SLCO1A2: variants seen among roughly 807,000 people sequenced by gnomAD.
SLCO1A2 encodes OATP-1.
Under a neutral mutation model 69.0 loss-of-function variants are expected in SLCO1A2, and 67 were observed. The ratio of observed to expected loss-of-function variants is 0.97; its 90% CI spans 0.80 to 1.19. The LOEUF (loss-of-function observed/expected upper bound fraction) is 1.19, where lower values mean the gene tolerates loss of function less well. Ranked by LOEUF, SLCO1A2 falls within the 50% of genes most tolerant of loss-of-function variation. SLCO1A2 has a pLI of 0.00. For synonymous variants in SLCO1A2, 260 were observed against 265.9 expected (o/e 0.98, Z 0.22); for missense variants, 787 against 793.7 (o/e 0.99, Z 0.10).
chr12:21,311,201 T>C (rs1055681924), intron 4 of SLCO1A2, among the ~76,000 whole-genome samples: 3 of 152,190 alleles, frequency 2.0e-5, no homozygotes, highest in Admixed American at 2.0e-4. Context: ...TCTTTCTCTT[T>C]CCACATCTGC....
intron 10 of SLCO1A2, chr12:21,294,441 T>G: frequency 5.9e-6 from 1 of 168,212 alleles, no homozygotes; most frequent in Non-Finnish European, 1.3e-5. Context: ...ATTCATCCAT[T>G]AGGTAGCAAA....
Position 21,299,799 on chromosome 12 carries a change from C to CGT in SLCO1A2, c.910+547_910+548dup, listed in dbSNP as rs1565482281. Among the ~76,000 whole-genome samples the CGT allele has an allele frequency of 3.1e-5, 4 of 127,340 alleles. No individual in the cohort carries two copies. In the East Asian group the frequency reaches 6.2e-4, roughly 20 times the overall value. The allele number at this position is 127,340 out of a possible 152,430, so 83.5% of individuals were successfully genotyped here. ...ATATATATATATATATACACACACA[C>CGT]GTATATATATACACACACACATATA... On this transcript the variant is annotated intron_variant, in intron 8 of 14. Coordinates refer to ENST00000683939, the MANE Select transcript of SLCO1A2 (RefSeq NM_001386879.1).
chr12:21,388,818 T>C (rs912482805), intron 1 of SLCO1A2, among the ~76,000 whole-genome samples: 4 of 152,100 alleles, frequency 2.6e-5, no homozygotes, highest in African/African-American at 9.7e-5. Context: ...TAAGAAAATA[T>C]GTAAGCCCAC....
At chr12:21,307,089 T>G in intron 4 of SLCO1A2, 101 bp from the exon 5 acceptor site, 1 of 707,942 alleles carries the variant, frequency 1.4e-6, no homozygotes. Flanking sequence ...CAACACAATA[T>G]CCAAATCCAG....
intron 1 of SLCO1A2, among the ~76,000 whole-genome samples, chr12:21,410,564 G>T (rs1456141044): frequency 6.6e-6 from 1 of 152,056 alleles, no homozygotes; most frequent in Non-Finnish European, 1.5e-5. Flanking sequence ...TTTGGGTTTT[G>T]CTATTTAGAA....
chr12:21,398,796 C>T (rs1320709133), upstream of SLCO1A2, among the ~76,000 whole-genome samples: 6 of 149,260 alleles, frequency 4.0e-5, 1 homozygote, highest in Non-Finnish European at 8.9e-5. Context: ...TCAATAGATG[C>T]AGAAAAGGCC....
At chr12:21,358,941 G>A (rs910750622) in intron 2 of SLCO1A2, among the ~76,000 whole-genome samples, 1 of 152,052 alleles carries the variant, frequency 6.6e-6, no homozygotes, top group African/African-American at 2.4e-5. Flanking sequence ...ACAATAACAG[G>A]CTGAAGATAT....
intron 1 of SLCO1A2, among the ~76,000 whole-genome samples, chr12:21,405,339 T>G (rs1941806502): frequency 6.6e-6 from 1 of 152,190 alleles, no homozygotes; most frequent in African/African-American, 2.4e-5. Flanking sequence ...GATTTTCCCC[T>G]AGGGTTTTTA....
At chr12:21,396,602 A>C (rs1258356047), upstream of SLCO1A2, among the ~76,000 whole-genome samples, 2 of 152,010 alleles carry the variant, frequency 1.3e-5, no homozygotes, top group East Asian at 1.9e-4. Flanking sequence ...GAAGGAAAAA[A>C]TGTTAAGGGC....
intron 2 of SLCO1A2, among the ~76,000 whole-genome samples, chr12:21,367,389 A>C (rs571808548): frequency 6.6e-6 from 1 of 152,314 alleles, no homozygotes; most frequent in African/African-American, 2.4e-5. Context: ...AAAAGGATAA[A>C]AACAACTACG....
At chr12:21,312,395 T>A (rs994325551) in intron 4 of SLCO1A2, among the ~76,000 whole-genome samples, 2 of 152,232 alleles carry the variant, frequency 1.3e-5, no homozygotes, top group African/African-American at 4.8e-5. Context: ...CTTAATCTTC[T>A]GTTCAGACTA....
chr12:21,392,699 T>C (rs903300552), intron 1 of SLCO1A2, among the ~76,000 whole-genome samples: 7 of 152,224 alleles, frequency 4.6e-5, no homozygotes, highest in African/African-American at 1.7e-4. Flanking sequence ...AAACCTCTTC[T>C]TGTACATTTC....
chr12:21,326,479 G>T (rs1264271447), intron 2 of SLCO1A2, among the ~76,000 whole-genome samples: 1 of 152,174 alleles, frequency 6.6e-6, no homozygotes, highest in African/African-American at 2.4e-5. Context: ...TCGGAAGACA[G>T]GAAGATGTGG....
chr12:21,395,510 T>C (rs183429026), upstream of SLCO1A2: 7,196 of 153,694 alleles, frequency 0.047, 184 homozygotes, highest in Middle Eastern at 0.089. Context: ...TCGAACTGGG[T>C]GGAGCCCACC....
intron 2 of SLCO1A2, chr12:21,373,299 G>T: frequency 8.3e-7 from 1 of 1,202,722 alleles, no homozygotes. Flanking sequence ...AGAACTGTAA[G>T]AAATCTCTTG....
At chr12:21,400,469 C>A (rs1443523534) in intron 1 of SLCO1A2, among the ~76,000 whole-genome samples, 9 of 151,202 alleles carry the variant, frequency 6.0e-5, no homozygotes, top group African/African-American at 2.2e-4. Flanking sequence ...GTCAGTGTGG[C>A]GATTCCTCAG....
chr12:21,348,247 T>A (rs1484433294), intron 2 of SLCO1A2, among the ~76,000 whole-genome samples: 1 of 152,178 alleles, frequency 6.6e-6, no homozygotes, highest in Admixed American at 6.6e-5. Flanking sequence ...TTGCAAACCA[T>A]CCAGTTACAC....
At chr12:21,311,881 A>ATGCTAGCCCGG (rs1210127400) in intron 4 of SLCO1A2, 3 of 152,194 alleles carry the variant, frequency 2.0e-5, no homozygotes, top group African/African-American at 7.3e-5. Context: ...AGCTGAGATC[A>ATGCTAGCCCGG]CGCCACTGCA....
intron 12 of SLCO1A2, among the ~76,000 whole-genome samples, chr12:21,289,383 C>T (rs370796912): frequency 7.9e-5 from 12 of 152,018 alleles, no homozygotes; most frequent in Non-Finnish European, 1.5e-4. Flanking sequence ...AGTAATGAGA[C>T]GACAGGGTGG....
Sources: allele counts gnomAD v4.1 joint callset (sites outside exome capture counted in the v4.1 genomes callset), GRCh38; gene constraint gnomAD v4.1.1; transcripts MANE v1.5; gene names NCBI Gene and HGNC (gene_info 2026-07-23, HGNC 2026-07-21).